Variants in MYO6 observed in about 807,000 individuals in gnomAD.
The protein encoded by MYO6 is unconventional myosin-VI.
In MYO6, 74 loss-of-function variants were observed where a neutral mutation model predicts 178.7. That is an observed-to-expected ratio of 0.41 (90% CI 0.34 to 0.50). MYO6 has a LOEUF of 0.50. Ranked by LOEUF, MYO6 falls within the 20% of genes least tolerant of loss-of-function variation. The probability of loss-of-function intolerance (pLI) is 0.09; values close to 1 mark genes in which losing one functional copy is unlikely to be tolerated. For synonymous variants in MYO6, 477 were observed against 504.6 expected, an observed-to-expected ratio of 0.95 and a Z score of 0.73; for missense variants, 1,330 against 1,547.4, an observed-to-expected ratio of 0.86 and a Z score of 2.36.
chr6:75,797,482 C>CA (rs1411608884), intron 1 of MYO6, among the ~76,000 whole-genome samples: 3 of 152,246 alleles, frequency 2.0e-5, no homozygotes, highest in African/African-American at 4.8e-5. Flanking sequence ...GGTATATACC[C>CA]AGTCATGTAA....
At chr6:75,864,117 G>A (rs559332537) in intron 16 of MYO6, among the ~76,000 whole-genome samples, 1 of 152,124 alleles carries the variant, frequency 6.6e-6, no homozygotes, top group African/African-American at 2.4e-5. Context: ...AAGAAAAGCC[G>A]TTTAGAGTTG....
chr6:75,757,378 T>C (rs1345751615), intron 1 of MYO6, among the ~76,000 whole-genome samples: 2 of 149,320 alleles, frequency 1.3e-5, no homozygotes, highest in Admixed American at 1.3e-4. Flanking sequence ...TGTGTGTATA[T>C]ATATGTATAC....
At chr6:75,863,817 G>T (rs79726747) in intron 16 of MYO6, among the ~76,000 whole-genome samples, 1 of 151,774 alleles carries the variant, frequency 6.6e-6, no homozygotes, top group East Asian at 1.9e-4. Flanking sequence ...CTGTTAGGTC[G>T]CAGAGCTGTG....
At position 75,916,292 on chromosome 6, in the gene MYO6, C is replaced by G. The variant is rs1348869126; in HGVS notation, c.*1280C>G. On this transcript the variant is annotated 3_prime_UTR_variant, in exon 35 of 35. Coordinates refer to ENST00000369977, the MANE Select transcript of MYO6 (RefSeq NM_004999.4). The stretch of plus-strand genomic sequence containing the variant: ...AGACCCTAACCTTTGAAATGAAATT[C>G]CAGTGATTTCTTTTTTCCCTAGAAA... 2 of 152,106 alleles carry G rather than the reference C, an allele frequency of 1.3e-5. No homozygotes were observed. Among genetic ancestry groups the G allele is most frequent in the African/African-American group, 4.8e-5 (2 of 41,388 alleles). 9.4% of individuals were successfully genotyped at this position (152,106 alleles called of 1,614,324 possible).
intron 20 of MYO6, 138 bp from the exon 21 acceptor site, chr6:75,879,682 C>T (rs767237468): frequency 1.6e-5 from 19 of 1,154,482 alleles, no homozygotes; most frequent in Non-Finnish European, 2.4e-5. Context: ...TAAATATTTT[C>T]CTATATAATA....
intron 11 of MYO6, among the ~76,000 whole-genome samples, chr6:75,852,700 A>T (rs1469312131): frequency 6.6e-6 from 1 of 152,196 alleles, no homozygotes; most frequent in Non-Finnish European, 1.5e-5. Flanking sequence ...TTTATTGCCG[A>T]ATAATATTTC....
In MYO6 at chr6:75,901,422, C is replaced by T. The variant is rs547724034; in HGVS notation, c.3176+3011C>T. Among the ~76,000 whole-genome samples, 275 of 152,224 alleles carry T rather than the reference C, an allele frequency of 1.8e-3. 9 individuals are homozygous for T. The South Asian group carries it at 0.055, about 30-fold the overall frequency. On this transcript the variant is annotated intron_variant, in intron 30 of 34. Transcript: ENST00000369977. The stretch of plus-strand genomic sequence containing the variant: ...CCTTGAGCAGTGATTTGTAGTTCTC[C>T]TTGAAGAGGTCCTTCACATCCCTTG...
chr6:75,822,548 A>G (rs1474304627), intron 2 of MYO6, among the ~76,000 whole-genome samples: 1 of 152,146 alleles, frequency 6.6e-6, no homozygotes, highest in Non-Finnish European at 1.5e-5. Flanking sequence ...TAGGATACTT[A>G]CTTACTGATT....
chr6:75,863,443 T>C (rs915656916), intron 16 of MYO6, among the ~76,000 whole-genome samples: 3 of 151,636 alleles, frequency 2.0e-5, no homozygotes, highest in African/African-American at 4.8e-5. Context: ...TAGAAACAAA[T>C]GAGAGGTGCA....
chr6:75,908,650 G>A lies in MYO6; in HGVS notation c.3412+23G>A, dbSNP rs759906260. 1.9e-6 allele frequency: 3 copies of A among 1,611,180 alleles called. No individual in the cohort carries two copies. The South Asian group carries it at 3.3e-5, about 18-fold the overall frequency. Reference sequence around the variant, plus strand: ...ATGGTAAAGAGAAATCTGTACTTTTGAACGTTTTAAAATATATGTATATAA... The same window carrying A: ...ATGGTAAAGAGAAATCTGTACTTTTAAACGTTTTAAAATATATGTATATAA... On this transcript the variant is annotated intron_variant, in intron 32 of 34. Transcript: ENST00000369977.
intron 1 of MYO6, among the ~76,000 whole-genome samples, chr6:75,792,705 A>G (rs1370378986): frequency 1.3e-5 from 2 of 152,006 alleles, no homozygotes; most frequent in Admixed American, 6.6e-5. Flanking sequence ...TCGGGTACCT[A>G]TATTTTTACA....
At chr6:75,849,584 A>T (rs1775062477) in intron 11 of MYO6, among the ~76,000 whole-genome samples, 1 of 152,184 alleles carries the variant, frequency 6.6e-6, no homozygotes, top group South Asian at 2.1e-4. Context: ...GCAGTGAGTG[A>T]TGGAGACAGG....
chr6:75,806,958 G>A (rs1312409426), intron 1 of MYO6, among the ~76,000 whole-genome samples: 1 of 152,110 alleles, frequency 6.6e-6, no homozygotes, highest in Non-Finnish European at 1.5e-5. Context: ...CACTGGGTTA[G>A]GGTCTCCTGA....
intron 1 of MYO6, among the ~76,000 whole-genome samples, chr6:75,785,603 G>A (rs1198894642): frequency 1.3e-5 from 2 of 151,168 alleles, no homozygotes; most frequent in Non-Finnish European, 2.9e-5. Context: ...AGGAATATAG[G>A]CACGTGCTAC....
chr6:75,757,971 G>GTTT (rs757708019), intron 1 of MYO6, among the ~76,000 whole-genome samples: 2 of 89,940 alleles, frequency 2.2e-5, no homozygotes, highest in Non-Finnish European at 2.4e-5. Context: ...CTTGAAGTTG[G>GTTT]CTTTTTTTTT....
Position 75,917,906 on chromosome 6 carries a change from C to T in MYO6, c.*2894C>T, listed in dbSNP as rs1781206754. 1 of 152,046 alleles carries T rather than the reference C, an allele frequency of 6.6e-6. No individual in the cohort carries two copies. The highest frequency in any genetic ancestry group is 2.1e-4 in the South Asian group (1 of 4,816). The allele number at this position is 152,046 out of a possible 1,614,324, so 9.4% of individuals were successfully genotyped here. On this transcript the variant is annotated 3_prime_UTR_variant, in exon 35 of 35. Coordinates refer to ENST00000369977, the MANE Select transcript of MYO6 (RefSeq NM_004999.4). ...TGGTTTTTTTTTTTACCTGAAGTAG[C>T]TTAAGAGTACTTGGATCAGTAGAAT...
intron 1 of MYO6, among the ~76,000 whole-genome samples, chr6:75,794,968 A>C (rs535532596): frequency 1.4e-4 from 22 of 152,350 alleles, no homozygotes; most frequent in Admixed American, 8.5e-4. Flanking sequence ...AATGGATTCT[A>C]TTCCAGGATG....
rs117791779 is a variant in MYO6, at chr6:75,758,748, G to A, written c.-48+9325G>A. ...GTTGGGATTACAGGCGTGAGCCACCGCGCCTGGCCTGTTTCAGCTTTTTAA... is the reference window on the plus strand; with the variant it reads ...GTTGGGATTACAGGCGTGAGCCACCACGCCTGGCCTGTTTCAGCTTTTTAA... On this transcript the variant is annotated intron_variant, in intron 1 of 34. Coordinates refer to ENST00000369977, the MANE Select transcript of MYO6 (RefSeq NM_004999.4). 2.8e-3 allele frequency among the ~76,000 whole-genome samples: 429 copies of A among 152,252 alleles called. 5 individuals are homozygous for A. Among genetic ancestry groups the A allele is most frequent in the Non-Finnish European group, 4.9e-3 (335 of 68,004 alleles).
intron 1 of MYO6, among the ~76,000 whole-genome samples, chr6:75,756,060 T>C (rs965427776): frequency 6.6e-6 from 1 of 152,192 alleles, no homozygotes; most frequent in African/African-American, 2.4e-5. Context: ...GTATGTTCCA[T>C]CATTTATCAC....
Sources: allele counts gnomAD v4.1 joint callset (sites outside exome capture counted in the v4.1 genomes callset), GRCh38; gene constraint gnomAD v4.1.1; transcripts MANE v1.5; gene names NCBI Gene and HGNC (gene_info 2026-07-23, HGNC 2026-07-21).